DIAPH2: variants seen among roughly 807,000 people sequenced by gnomAD.
DIAPH2 encodes protein diaphanous homolog 2.
DIAPH2 carries 35 observed loss-of-function variants against 92.7 expected under a neutral mutation model. The observed-to-expected ratio is 0.38, with a 90% CI of 0.29 to 0.50. The LOEUF (loss-of-function observed/expected upper bound fraction) is 0.50, where lower values mean the gene tolerates loss of function less well. Among genes scored for constraint, DIAPH2 ranks in the 20% least tolerant of loss-of-function variants. The pLI, the probability that DIAPH2 is intolerant of heterozygous loss-of-function variation, is 0.94. For missense variants in DIAPH2, 701 were observed against 819.5 expected, an observed-to-expected ratio of 0.86 and a Z score of 1.77; for synonymous variants, 301 against 280.4, an observed-to-expected ratio of 1.07 and a Z score of -0.73.
At chrX:97,038,757 T>A (rs2066428934) in intron 17 of DIAPH2, among the ~76,000 whole-genome samples, 1 of 111,278 alleles carries the variant, frequency 9.0e-6, no homozygotes, top group South Asian at 3.8e-4. Flanking sequence ...GTGTATCTTA[T>A]TTTAAAAAAT....
intron 17 of DIAPH2, among the ~76,000 whole-genome samples, chrX:96,970,757 T>G (rs775211316): frequency 9.0e-6 from 1 of 111,588 alleles, no homozygotes; most frequent in African/African-American, 3.2e-5. Flanking sequence ...TTCTCTGGTT[T>G]TATTCATTTC....
At chrX:97,498,767 A>G in intron 26 of DIAPH2, among the ~76,000 whole-genome samples, 1 of 111,744 alleles carries the variant, frequency 8.9e-6, no homozygotes, top group Non-Finnish European at 1.9e-5. Context: ...CAGCACACCA[A>G]TGATTGTTAG....
intron 1 of DIAPH2, among the ~76,000 whole-genome samples, chrX:96,719,553 G>A (rs1051295631): frequency 2.7e-5 from 3 of 111,629 alleles, no homozygotes; most frequent in East Asian, 2.8e-4. Context: ...TCCTTTACCC[G>A]ATGTATGTTC....
chrX:97,236,572 T>A (rs1385512487), intron 22 of DIAPH2, among the ~76,000 whole-genome samples: 2 of 97,825 alleles, frequency 2.0e-5, no homozygotes, highest in Admixed American at 1.2e-4. Flanking sequence ...TGAGATGGAG[T>A]CTCGCTCTAT....
At chrX:97,061,437 A>G (rs1180819109) in intron 17 of DIAPH2, among the ~76,000 whole-genome samples, 1 of 111,950 alleles carries the variant, frequency 8.9e-6, no homozygotes, top group African/African-American at 3.2e-5. Flanking sequence ...CCTATTTTGC[A>G]TATTCCAAGT....
intron 26 of DIAPH2, among the ~76,000 whole-genome samples, chrX:97,507,023 A>G (rs2070839985): frequency 9.1e-6 from 1 of 110,058 alleles, no homozygotes; most frequent in Non-Finnish European, 1.9e-5. Context: ...AGAAGAATAT[A>G]CAGCAGACAC....
intron 1 of DIAPH2, among the ~76,000 whole-genome samples, chrX:96,701,029 CT>C (rs1179007159): frequency 2.7e-5 from 3 of 111,897 alleles, no homozygotes; most frequent in African/African-American, 6.5e-5. Context: ...ATAACCTCTT[CT>C]TTTTTCTGTT....
chrX:97,086,096 T>C (rs925393691), intron 19 of DIAPH2, among the ~76,000 whole-genome samples: 1 of 111,859 alleles, frequency 8.9e-6, no homozygotes, highest in African/African-American at 3.3e-5. Context: ...AAAATATCTT[T>C]TTTTTTCTTC....
At chrX:97,407,162 T>C in intron 25 of DIAPH2, among the ~76,000 whole-genome samples, 1 of 111,678 alleles carries the variant, frequency 9.0e-6, no homozygotes, top group African/African-American at 3.2e-5. Flanking sequence ...AAACTTGGCT[T>C]CTGTAAATAC....
At chrX:96,986,698 A>G (rs1481102253) in intron 17 of DIAPH2, among the ~76,000 whole-genome samples, 9 of 111,436 alleles carry the variant, frequency 8.1e-5, no homozygotes, top group African/African-American at 2.9e-4. Context: ...TCTTAAGGAC[A>G]TGTACCCTGA....
At chrX:97,112,577 G>A (rs1171953258) in intron 20 of DIAPH2, among the ~76,000 whole-genome samples, 1 of 109,344 alleles carries the variant, frequency 9.1e-6, no homozygotes, top group African/African-American at 3.3e-5. Context: ...ACTTTGATGC[G>A]ATTAGCTTCC....
rs185298159 is a variant in DIAPH2, at chrX:97,482,767, A to G, written c.3241+53022A>G. Among the ~76,000 whole-genome samples the G allele has an allele frequency of 1.6e-4, 18 of 111,902 alleles. No individual in the cohort carries two copies. The East Asian group carries it at 5.0e-3, about 31-fold the overall frequency. On this transcript the variant is annotated intron_variant, in intron 26 of 26. Coordinates refer to ENST00000324765, the MANE Select transcript of DIAPH2 (RefSeq NM_006729.5). ...CATATTTAGAAAGCAGACTGCTGTG[A>G]TAATTGATTTGATGGTCCAGCTTGA...
Position 96,874,185 on chromosome X carries a change from T to A in DIAPH2, c.448-7394T>A, listed in dbSNP as rs897357173. Among the ~76,000 whole-genome samples, 3 of 112,023 alleles carry A rather than the reference T, an allele frequency of 2.7e-5. No individual in the cohort carries two copies. The East Asian group carries it at 8.4e-4, about 31-fold the overall frequency. On this transcript the variant is annotated intron_variant, in intron 4 of 26. Coordinates refer to ENST00000324765, the MANE Select transcript of DIAPH2 (RefSeq NM_006729.5). ...TTTAAGTAAGAGGTTACTGAAAATA[T>A]GTTTTCCTTTCCAAATTCACATACC...
intron 26 of DIAPH2, among the ~76,000 whole-genome samples, chrX:97,527,198 G>A (rs1212492312): frequency 8.9e-6 from 1 of 112,009 alleles, no homozygotes; most frequent in Non-Finnish European, 1.9e-5. Flanking sequence ...TTATTGAGAG[G>A]TTTCTGTAAC....
intron 25 of DIAPH2, among the ~76,000 whole-genome samples, chrX:97,402,463 G>A (rs5921810): frequency 0.053 from 5,914 of 111,053 alleles, 129 homozygotes; most frequent in African/African-American, 0.094. Context: ...ATGTACTTTA[G>A]AACATTTTGT....
chrX:97,474,720 C>T (rs866098212), intron 26 of DIAPH2, among the ~76,000 whole-genome samples: 2 of 108,502 alleles, frequency 1.8e-5, no homozygotes, highest in Admixed American at 9.9e-5. Flanking sequence ...GAGCAGAGAT[C>T]GTGCCACTGC....
intron 26 of DIAPH2, among the ~76,000 whole-genome samples, chrX:97,513,806 ATTCTT>A (rs2070915548): frequency 1.0e-5 from 1 of 98,207 alleles, no homozygotes; most frequent in Non-Finnish European, 2.0e-5. Flanking sequence ...TGGGTTGAAA[ATTCTT>A]TTCTTTAAGA....
chrX:97,188,047 G>T (rs991133374), intron 22 of DIAPH2, among the ~76,000 whole-genome samples: 1 of 111,517 alleles, frequency 9.0e-6, no homozygotes, highest in Non-Finnish European at 1.9e-5. Flanking sequence ...ATATTTGGAA[G>T]TTGCCAAAAA....
rs183841448 is a variant in DIAPH2, at chrX:96,931,216, A to G, written c.1089+373A>G. ...TAGATTGATTTCATTGGTATTCAGGATAAGCATGCATAGAGTTTTGATTAG... is the reference window on the plus strand; with the variant it reads ...TAGATTGATTTCATTGGTATTCAGGGTAAGCATGCATAGAGTTTTGATTAG... On this transcript the variant is annotated intron_variant, in intron 10 of 26. Transcript: ENST00000324765. 8.7e-4 allele frequency among the ~76,000 whole-genome samples: 97 copies of G among 111,562 alleles called. 1 individual carries two copies. Among genetic ancestry groups the G allele is most frequent in the African/African-American group, 3.1e-3 (97 of 30,816 alleles).
Sources: allele counts gnomAD v4.1 joint callset (sites outside exome capture counted in the v4.1 genomes callset), GRCh38; gene constraint gnomAD v4.1.1; transcripts MANE v1.5; gene names NCBI Gene and HGNC (gene_info 2026-07-23, HGNC 2026-07-21).